The following PLEKHG7 variants were observed in gnomAD, a reference collection of about 807,000 sequenced individuals.
The protein encoded by PLEKHG7 is pleckstrin homology and RhoGEF domain containing G7, also known as pleckstrin homology domain-containing family G member 7.
Under a neutral mutation model 85.2 loss-of-function variants are expected in PLEKHG7, and 77 were observed. The observed-to-expected ratio is 0.90, with a 90% CI of 0.75 to 1.09. The LOEUF is 1.09. Among genes scored for constraint, PLEKHG7 ranks in the 50% least tolerant of loss-of-function variants. The pLI, the probability that PLEKHG7 is intolerant of heterozygous loss-of-function variation, is 0.00. For missense variants in PLEKHG7, 777 were observed against 804.3 expected, an observed-to-expected ratio of 0.97 and a Z score of 0.41; for synonymous variants, 301 against 302.4, an observed-to-expected ratio of 1.00 and a Z score of 0.05.
chr12:92,768,902 C>A, intron 15 of PLEKHG7, 81 bp from the exon 16 acceptor site: 4 of 971,028 alleles, frequency 4.1e-6, no homozygotes, highest in East Asian at 2.7e-5. Context: ...AGAAAACAAA[C>A]CCCAGATTCT....
chr12:92,720,276 C>T (rs138157040), intron 3 of PLEKHG7, among the ~76,000 whole-genome samples: 31 of 151,940 alleles, frequency 2.0e-4, no homozygotes, highest in Non-Finnish European at 4.1e-4. Context: ...TGCCTCTGTT[C>T]GTCTTCACAT....
Position 92,761,679 on chromosome 12 carries a change from A to AAAGAAAG in PLEKHG7, c.1637-72_1637-66dup, listed in dbSNP as rs1873036650. ...GAAAGAAAGAAAGAAAGAAAGAAAG[A>AAAGAAAG]AAGAAAGGGAAAGAAAAACTCTTCT... On this transcript the variant is annotated intron_variant, in intron 13 of 16. Transcript: ENST00000344636. 16 of 1,280,980 alleles carry AAAGAAAG rather than the reference A, an allele frequency of 1.2e-5. No individual in the cohort carries two copies. In the South Asian group the frequency reaches 2.5e-4, roughly 20 times the overall value. The allele number at this position is 1,280,980 out of a possible 1,614,324, so 79.4% of individuals were successfully genotyped here.
intron 4 of PLEKHG7, among the ~76,000 whole-genome samples, chr12:92,731,557 C>T (rs1871994637): frequency 6.6e-6 from 1 of 152,206 alleles, no homozygotes; most frequent in African/African-American, 2.4e-5. Flanking sequence ...AGCATTACAA[C>T]TTTATGCAAA....
At chr12:92,742,286 G>A (rs1028018667) in intron 9 of PLEKHG7, among the ~76,000 whole-genome samples, 2 of 152,178 alleles carry the variant, frequency 1.3e-5, no homozygotes, top group South Asian at 2.1e-4. Flanking sequence ...TTAAGAAATT[G>A]TAAGTCTTGT....
chr12:92,749,298 T>C (rs1207275099), intron 10 of PLEKHG7, among the ~76,000 whole-genome samples: 1 of 150,294 alleles, frequency 6.7e-6, no homozygotes, highest in Non-Finnish European at 1.5e-5. Context: ...TTTATGTATT[T>C]ATTTATTTAT....
Position 92,770,114 on chromosome 12 carries a change from T to A in PLEKHG7, c.1995T>A (p.Thr665=), listed in dbSNP as rs541984720. ...IKKTWMAQIT[T]AISCFTKSQE... Reference sequence around the variant, plus strand: ...AAACATGGATGGCACAAATAACAACTGCAATTTCTTGCTTTACCAAGAGTC... The same window carrying A: ...AAACATGGATGGCACAAATAACAACAGCAATTTCTTGCTTTACCAAGAGTC... Residue 665 remains threonine, a synonymous_variant, in exon 17 of 17, where the codon ACT becomes ACA. Transcript: ENST00000344636. 8.1e-6 allele frequency: 13 copies of A among 1,605,510 alleles called. 1 individual carries two copies. In the South Asian group the frequency reaches 1.5e-4, roughly 18 times the overall value.
rs779164468 is a variant in PLEKHG7, at chr12:92,770,874, G to T, written c.*679G>T. On this transcript the variant is annotated 3_prime_UTR_variant, in exon 17 of 17. Transcript: ENST00000344636. ...CTTTCACCAGTTAACACTTTTGCAT[G>T]GCTTTTCTTGGCCTGTTGTGAAGTG... is the stretch of plus-strand genomic sequence containing the variant. 1 of 152,032 alleles carries T rather than the reference G, an allele frequency of 6.6e-6. No individual in the cohort carries two copies. The highest frequency in any genetic ancestry group is 1.5e-5 in the Non-Finnish European group (1 of 67,940). The allele number at this position is 152,032 out of a possible 1,614,324, so 9.4% of individuals were successfully genotyped here.
At position 92,752,158 on chromosome 12, in the gene PLEKHG7, T is replaced by G. The variant is rs377417300; in HGVS notation, c.1252-1932T>G. Among the ~76,000 whole-genome samples, 30 of 152,060 alleles carry G rather than the reference T, an allele frequency of 2.0e-4. No homozygotes were observed. In the South Asian group the frequency reaches 5.8e-3, roughly 30 times the overall value. On this transcript the variant is annotated intron_variant, in intron 10 of 16. Coordinates refer to ENST00000344636, the MANE Select transcript of PLEKHG7 (RefSeq NM_001377329.1). ...GGCTAGGAGATAAAAGGGGAGGGTT[T>G]GTTTAAGGGGGAAGAGAGAAAGAAC...
In PLEKHG7 at chr12:92,757,831, T is replaced by C. The variant is rs146028258; in HGVS notation, c.1636+1440T>C. On this transcript the variant is annotated intron_variant, in intron 13 of 16. Coordinates refer to ENST00000344636, the MANE Select transcript of PLEKHG7 (RefSeq NM_001377329.1). Reference sequence around the variant, plus strand: ...GGAAACTGCAGGCAACCAGAAGTCATTGAGCTCTCAGACAGGGAAGTGATA... The same window carrying C: ...GGAAACTGCAGGCAACCAGAAGTCACTGAGCTCTCAGACAGGGAAGTGATA... 3.3e-3 allele frequency among the ~76,000 whole-genome samples: 505 copies of C among 152,242 alleles called. 5 individuals are homozygous for C. The highest frequency in any genetic ancestry group is 2.7e-3 in the Non-Finnish European group (185 of 68,012).
intron 3 of PLEKHG7, among the ~76,000 whole-genome samples, chr12:92,721,270 G>A (rs1170432161): frequency 6.6e-6 from 1 of 152,170 alleles, no homozygotes; most frequent in East Asian, 1.9e-4. Flanking sequence ...GACATTTCTG[G>A]CACCAGCACG....
At chr12:92,737,885 A>G (rs888044145) in intron 7 of PLEKHG7, among the ~76,000 whole-genome samples, 1 of 152,132 alleles carries the variant, frequency 6.6e-6, no homozygotes, top group African/African-American at 2.4e-5. Flanking sequence ...CTGTCTCTTT[A>G]TACTTTAACA....
intron 16 of PLEKHG7, 147 bp from the exon 17 acceptor site, chr12:92,769,941 T>TG: frequency 1.7e-6 from 1 of 578,798 alleles, no homozygotes; most frequent in Non-Finnish European, 3.0e-6. Context: ...AGAAAGAAAA[T>TG]GGGAAACATA....
At chr12:92,715,018 G>GGATAGATAGACAGATAGATA (rs1051401355) in intron 3 of PLEKHG7, among the ~76,000 whole-genome samples, 1 of 147,426 alleles carries the variant, frequency 6.8e-6, no homozygotes, top group African/African-American at 2.5e-5. Flanking sequence ...AGAACTAATG[G>GGATAGATAGACAGATAGATA]GATAGATAGA....
chr12:92,726,407 TC>T lies in PLEKHG7; in HGVS notation c.531-2585del, dbSNP rs752064270. Among the ~76,000 whole-genome samples the T allele has an allele frequency of 1.0e-3, 156 of 152,198 alleles. 2 individuals are homozygous for T. The highest frequency in any genetic ancestry group is 6.5e-4 in the Non-Finnish European group (44 of 68,022). On this transcript the variant is annotated intron_variant, in intron 3 of 16. Transcript: ENST00000344636. Reference sequence around the variant, plus strand: ...TCATAGCTATGCTTTTGTTGGTAAATCAAGACAAATTTCTTTCTATGTAAAG... The same window carrying T: ...TCATAGCTATGCTTTTGTTGGTAAATAAGACAAATTTCTTTCTATGTAAAG...
At chr12:92,765,554 G>T (rs769831326) in intron 15 of PLEKHG7, among the ~76,000 whole-genome samples, 6 of 151,732 alleles carry the variant, frequency 4.0e-5, no homozygotes, top group Non-Finnish European at 5.9e-5. Flanking sequence ...GCTTGAACCC[G>T]GGAGGCGGAG....
intron 13 of PLEKHG7, 130 bp from the exon 14 acceptor site, chr12:92,761,622 A>G (rs1037427666): frequency 1.4e-5 from 12 of 885,916 alleles, no homozygotes; most frequent in Admixed American, 1.1e-4. Flanking sequence ...AAAGAAAGAA[A>G]GAAGAAAGAA....
chr12:92,759,637 C>G (rs541174278), intron 13 of PLEKHG7, among the ~76,000 whole-genome samples: 4 of 152,346 alleles, frequency 2.6e-5, no homozygotes, highest in African/African-American at 9.6e-5. Flanking sequence ...AGAGCTCACT[C>G]TCTCTGTTTG....
chr12:92,751,726 C>T (rs915988674), intron 10 of PLEKHG7, among the ~76,000 whole-genome samples: 1 of 151,852 alleles, frequency 6.6e-6, no homozygotes, highest in Non-Finnish European at 1.5e-5. Context: ...GGATGTTTTC[C>T]AAAACATCCA....
Position 92,753,033 on chromosome 12 carries a change from C to T in PLEKHG7, c.1252-1057C>T, listed in dbSNP as rs78250460. On this transcript the variant is annotated intron_variant, in intron 10 of 16. Transcript: ENST00000344636. ...TCCCAACAGCCCCACTTCCTAATGCCGCTCCACTGAAGGTTAGGATTTTAT... is the reference window on the plus strand; with the variant it reads ...TCCCAACAGCCCCACTTCCTAATGCTGCTCCACTGAAGGTTAGGATTTTAT... 3.2e-3 allele frequency among the ~76,000 whole-genome samples: 483 copies of T among 152,250 alleles called. 7 individuals carry two copies. The highest frequency in any genetic ancestry group is 0.011 in the African/African-American group (454 of 41,550).
Sources: gnomAD v4.1 joint callset for allele counts (sites outside exome capture counted in the v4.1 genomes callset) on GRCh38, gnomAD v4.1.1 for gene constraint, MANE v1.5 for transcripts, NCBI Gene and HGNC (gene_info 2026-07-23, HGNC 2026-07-21) for gene names.